Variants in GSK3B observed in about 807,000 individuals in gnomAD.
GSK3B encodes the protein glycogen synthase kinase-3 beta.
Under a neutral mutation model 56.4 loss-of-function variants are expected in GSK3B, and 15 were observed. The observed-to-expected ratio is 0.27, with a 90% CI of 0.18 to 0.41. The LOEUF (loss-of-function observed/expected upper bound fraction) is 0.41. Among genes scored for constraint, GSK3B ranks in the 10% least tolerant of loss-of-function variants. GSK3B has a pLI of 1.00. For missense variants in GSK3B, 300 were observed against 513.4 expected, an observed-to-expected ratio of 0.58 and a Z score of 4.02; for synonymous variants, 181 against 188.9, an observed-to-expected ratio of 0.96 and a Z score of 0.34.
At chr3:120,071,534 G>A (rs1242107716) in intron 1 of GSK3B, among the ~76,000 whole-genome samples, 1 of 152,098 alleles carries the variant, frequency 6.6e-6, no homozygotes, top group Non-Finnish European at 1.5e-5. Flanking sequence ...TCATAGGAGC[G>A]TGAACTCTAT....
intron 1 of GSK3B, among the ~76,000 whole-genome samples, chr3:120,073,798 T>C (rs1291244140): frequency 6.6e-6 from 1 of 152,172 alleles, no homozygotes; most frequent in Non-Finnish European, 1.5e-5. Context: ...ATAAATTCAA[T>C]TTGCCTTAGA....
intron 2 of GSK3B, among the ~76,000 whole-genome samples, chr3:119,982,316 TGG>T (rs1437794379): frequency 6.6e-6 from 1 of 152,142 alleles, no homozygotes; most frequent in East Asian, 1.9e-4. Flanking sequence ...CTCCAAAGGA[TGG>T]CAGCTCCTCG....
chr3:119,894,355 G>A (rs2056538524), intron 7 of GSK3B, among the ~76,000 whole-genome samples: 1 of 152,096 alleles, frequency 6.6e-6, no homozygotes, highest in Non-Finnish European at 1.5e-5. Context: ...TTCAAGGTTT[G>A]CATCATTTTA....
intron 10 of GSK3B, chr3:119,833,107 T>G (rs911334971): frequency 3.3e-6 from 1 of 301,036 alleles, no homozygotes; most frequent in Non-Finnish European, 4.9e-6. Flanking sequence ...CTTGATTCCT[T>G]GCTGTCTGCA....
chr3:119,865,425 G>A (rs1374982747), intron 8 of GSK3B, among the ~76,000 whole-genome samples: 3 of 106,916 alleles, frequency 2.8e-5, no homozygotes, highest in African/African-American at 1.0e-4. Context: ...AGTATTATAA[G>A]CTTATTTCCG....
At chr3:120,004,493 G>C (rs1255123406) in intron 1 of GSK3B, among the ~76,000 whole-genome samples, 2 of 152,168 alleles carry the variant, frequency 1.3e-5, no homozygotes, top group African/African-American at 4.8e-5. Context: ...TGTGTAGCCT[G>C]ACTGGGAGAT....
intron 2 of GSK3B, among the ~76,000 whole-genome samples, chr3:119,947,939 A>G (rs2057116493): frequency 1.3e-5 from 2 of 152,068 alleles, no homozygotes; most frequent in South Asian, 2.1e-4. Flanking sequence ...AGACCACACA[A>G]AACTATTTTC....
chr3:119,908,706 T>C (rs1027977747), intron 6 of GSK3B, among the ~76,000 whole-genome samples: 1 of 152,212 alleles, frequency 6.6e-6, no homozygotes, highest in African/African-American at 2.4e-5. Flanking sequence ...GATGTCAAAG[T>C]GTGGTCTACA....
At chr3:119,895,215 T>C (rs1350858516) in intron 7 of GSK3B, among the ~76,000 whole-genome samples, 1 of 152,188 alleles carries the variant, frequency 6.6e-6, no homozygotes, top group Non-Finnish European at 1.5e-5. Flanking sequence ...CTTAGCATAA[T>C]GTCCTCCAGG....
intron 9 of GSK3B, among the ~76,000 whole-genome samples, chr3:119,848,778 A>G (rs992905896): frequency 6.6e-6 from 1 of 152,338 alleles, no homozygotes; most frequent in African/African-American, 2.4e-5. Flanking sequence ...CAATAAATTG[A>G]TGCTAAGATT....
intron 1 of GSK3B, among the ~76,000 whole-genome samples, chr3:120,005,175 C>T (rs1324432609): frequency 2.6e-5 from 4 of 151,690 alleles, no homozygotes; most frequent in Non-Finnish European, 5.9e-5. Flanking sequence ...GAAAGGATAT[C>T]AGTGACTGAA....
At chr3:119,872,168 C>T (rs1343192336) in intron 8 of GSK3B, among the ~76,000 whole-genome samples, 2 of 152,044 alleles carry the variant, frequency 1.3e-5, no homozygotes, top group Non-Finnish European at 2.9e-5. Context: ...AAATTCATTG[C>T]CTAACAACAT....
intron 8 of GSK3B, among the ~76,000 whole-genome samples, chr3:119,865,597 G>A (rs2056171925): frequency 6.7e-6 from 1 of 149,888 alleles, no homozygotes; most frequent in Admixed American, 6.7e-5. Flanking sequence ...AGCCTCCCGA[G>A]TAGCTGGGAC....
intron 2 of GSK3B, among the ~76,000 whole-genome samples, chr3:119,968,905 T>C: frequency 6.6e-6 from 1 of 152,190 alleles, no homozygotes; most frequent in East Asian, 1.9e-4. Flanking sequence ...TGTATTCTCA[T>C]ATATCAGGAA....
At chr3:120,027,347 A>T (rs1310992497) in intron 1 of GSK3B, among the ~76,000 whole-genome samples, 2 of 151,684 alleles carry the variant, frequency 1.3e-5, no homozygotes, top group Non-Finnish European at 2.9e-5. Flanking sequence ...ACAGCACTCC[A>T]GCCTGGGTGA....
chr3:119,837,416 C>T (rs1490156917), intron 10 of GSK3B, among the ~76,000 whole-genome samples: 8 of 151,780 alleles, frequency 5.3e-5, no homozygotes, highest in South Asian at 2.1e-4. Flanking sequence ...CCACCCGCCT[C>T]GGCCTCCCAA....
At chr3:119,990,890 T>A (rs2057558539) in intron 2 of GSK3B, among the ~76,000 whole-genome samples, 1 of 152,182 alleles carries the variant, frequency 6.6e-6, no homozygotes, top group South Asian at 2.1e-4. Context: ...ATTGCACCAT[T>A]GCACTCCAGC....
chr3:120,071,954 CT>C (rs952216326), intron 1 of GSK3B, among the ~76,000 whole-genome samples: 10 of 152,222 alleles, frequency 6.6e-5, no homozygotes, highest in African/African-American at 1.7e-4. Context: ...TAACAGAAAA[CT>C]GTATTTTTCC....
chr3:119,849,763 G>C (rs2108018076), intron 9 of GSK3B, among the ~76,000 whole-genome samples: 1 of 152,132 alleles, frequency 6.6e-6, no homozygotes, highest in South Asian at 2.1e-4. Context: ...TGCATAAAAT[G>C]GCATAGTATT....
Sources: gnomAD v4.1 joint callset for allele counts (sites outside exome capture counted in the v4.1 genomes callset) on GRCh38, gnomAD v4.1.1 for gene constraint, MANE v1.5 for transcripts, NCBI Gene and HGNC (gene_info 2026-07-23, HGNC 2026-07-21) for gene names.